BMERB1: variants seen among roughly 807,000 people sequenced by gnomAD.
The protein encoded by BMERB1 is bMERB domain-containing protein 1.
A neutral mutation model predicts 23.6 loss-of-function variants in BMERB1; 12 were observed. The ratio of observed to expected loss-of-function variants is 0.51; its 90% CI spans 0.33 to 0.82. The LOEUF (loss-of-function observed/expected upper bound fraction) is 0.82, where lower values mean the gene tolerates loss of function less well. Among genes scored for constraint, BMERB1 ranks in the 40% least tolerant of loss-of-function variants. BMERB1 has a pLI of 0.03. For missense variants in BMERB1, 247 were observed against 255.4 expected, an observed-to-expected ratio of 0.97 and a Z score of 0.22; for synonymous variants, 122 against 96.6, an observed-to-expected ratio of 1.26 and a Z score of -1.54.
intron 1 of BMERB1, among the ~76,000 whole-genome samples, chr16:15,488,805 G>A (rs1409034164): frequency 2.1e-5 from 3 of 144,260 alleles, no homozygotes; most frequent in Admixed American, 7.2e-5. Flanking sequence ...GCAACAGAGC[G>A]AGACTCCGTC....
chr16:15,439,847 G>A (rs2050924053), intron 1 of BMERB1, among the ~76,000 whole-genome samples: 1 of 152,094 alleles, frequency 6.6e-6, no homozygotes. Context: ...TCTCTGTTGT[G>A]GCCATTTCTT....
chr16:15,528,710 T>C (rs1384503794), intron 2 of BMERB1, among the ~76,000 whole-genome samples: 1 of 149,442 alleles, frequency 6.7e-6, no homozygotes, highest in Non-Finnish European at 1.5e-5. Context: ...CCCACCCCCC[T>C]CTCCTTCCCT....
intron 1 of BMERB1, among the ~76,000 whole-genome samples, chr16:15,496,892 G>A (rs2051478555): frequency 6.6e-6 from 1 of 152,142 alleles, no homozygotes; most frequent in Non-Finnish European, 1.5e-5. Flanking sequence ...ACTTGTCCAG[G>A]GGCACAAAGC....
chr16:15,474,698 A>AT (rs891915495), intron 1 of BMERB1, among the ~76,000 whole-genome samples: 5 of 150,120 alleles, frequency 3.3e-5, no homozygotes, highest in East Asian at 2.0e-4. Flanking sequence ...TTTTATTCTT[A>AT]TTTTTTTTGA....
chr16:15,480,561 C>G (rs955751125), intron 1 of BMERB1, among the ~76,000 whole-genome samples: 9 of 139,368 alleles, frequency 6.5e-5, no homozygotes, highest in Non-Finnish European at 1.4e-4. Flanking sequence ...GACTCTTTTT[C>G]TATTATATAT....
intron 1 of BMERB1, among the ~76,000 whole-genome samples, chr16:15,502,772 G>A (rs1260851348): frequency 1.3e-5 from 2 of 152,050 alleles, no homozygotes; most frequent in East Asian, 1.9e-4. Context: ...GCTGGAGGGG[G>A]CCCCCTCTAG....
chr16:15,569,584 G>A (rs545571050), intron 3 of BMERB1, among the ~76,000 whole-genome samples: 6 of 152,222 alleles, frequency 3.9e-5, no homozygotes, highest in South Asian at 2.1e-4. Flanking sequence ...AGATTTGGGC[G>A]GGGACACACA....
intron 2 of BMERB1, among the ~76,000 whole-genome samples, chr16:15,561,666 G>T (rs769622224): frequency 2.6e-5 from 4 of 152,178 alleles, no homozygotes; most frequent in Non-Finnish European, 5.9e-5. Context: ...GCTGACATGG[G>T]AGGATCGCTT....
rs554438891 is a variant in BMERB1, at chr16:15,504,425, C to T, written c.107-10880C>T. Among the ~76,000 whole-genome samples the T allele has an allele frequency of 3.3e-5, 5 of 151,778 alleles. No homozygotes were observed. The South Asian group carries it at 1.0e-3, about 32-fold the overall frequency. On this transcript the variant is annotated intron_variant, in intron 1 of 5. Coordinates refer to ENST00000300006, the MANE Select transcript of BMERB1 (RefSeq NM_033201.3). ...GAGGAGTAGAGGGGAATTCTTTATG[C>T]TCTTTGCAACTCTTCTTAAATTTTT...
intron 1 of BMERB1, among the ~76,000 whole-genome samples, chr16:15,448,846 C>G (rs1328557152): frequency 6.6e-6 from 1 of 152,062 alleles, no homozygotes; most frequent in African/African-American, 2.4e-5. Flanking sequence ...AGATTAGCAT[C>G]CTCGCCTTCT....
At chr16:15,572,516 A>G (rs1172222015) in intron 3 of BMERB1, among the ~76,000 whole-genome samples, 5 of 152,152 alleles carry the variant, frequency 3.3e-5, no homozygotes, top group African/African-American at 1.2e-4. Flanking sequence ...TGGTTGCACA[A>G]CTCTGCAAAT....
At position 15,434,616 on chromosome 16, in the gene BMERB1, T is replaced by G; in HGVS notation, c.-38T>G. On this transcript the variant is annotated 5_prime_UTR_variant, in exon 1 of 6. The change abolishes the stop of an existing upstream ORF in the 5' untranslated region. Coordinates refer to ENST00000300006, the MANE Select transcript of BMERB1 (RefSeq NM_033201.3). ...CCTGCAGCCCGCAACGGGAATGGAG[T>G]AAAGGGAGACCCGTCGACCTGGCCA... 1 of 1,569,674 alleles carries G rather than the reference T, an allele frequency of 6.4e-7. No homozygotes were observed. Among genetic ancestry groups the G allele is most frequent in the Non-Finnish European group, 8.8e-7 (1 of 1,140,310 alleles).
chr16:15,587,793 A>G lies in BMERB1; in HGVS notation c.*964A>G. ...GCATATGTTAACTAGCTGCCAAACAACTTCAACCCGTGTAATTCATGTACA... is the reference window on the plus strand; with the variant it reads ...GCATATGTTAACTAGCTGCCAAACAGCTTCAACCCGTGTAATTCATGTACA... On this transcript the variant is annotated 3_prime_UTR_variant, in exon 6 of 6. Coordinates refer to ENST00000300006, the MANE Select transcript of BMERB1 (RefSeq NM_033201.3). 1 of 270,992 alleles carries G rather than the reference A, an allele frequency of 3.7e-6. No individual in the cohort carries two copies. The highest frequency in any genetic ancestry group is 2.3e-5 in the African/African-American group (1 of 44,440). The allele number at this position is 270,992 out of a possible 1,614,324, so 16.8% of individuals were successfully genotyped here.
rs2031167269 is a variant in BMERB1, at chr16:15,587,076, GTTTA to G, written c.*249_*252del. The G allele has an allele frequency of 2.0e-6, 1 of 497,286 alleles. No individual in the cohort carries two copies. The highest frequency in any genetic ancestry group is 2.0e-5 in the African/African-American group (1 of 51,232). 30.8% of individuals were successfully genotyped at this position (497,286 alleles called of 1,614,324 possible). ...GCCGAACCCAGGAGTCTGTCTCACT[GTTTA>G]TCCAAACACCAGGAAAGGTCCTCCC... On this transcript the variant is annotated 3_prime_UTR_variant, in exon 6 of 6. Transcript: ENST00000300006.
intron 1 of BMERB1, among the ~76,000 whole-genome samples, chr16:15,444,087 G>C (rs896112046): frequency 7.4e-6 from 1 of 135,946 alleles, no homozygotes; most frequent in Non-Finnish European, 1.6e-5. Flanking sequence ...GCACAGAGGT[G>C]AATATTCCAA....
intron 2 of BMERB1, among the ~76,000 whole-genome samples, chr16:15,556,366 C>G (rs1009141369): frequency 1.3e-5 from 2 of 152,030 alleles, no homozygotes; most frequent in African/African-American, 4.8e-5. Context: ...CACACACAAG[C>G]CTGTTTGATT....
intron 1 of BMERB1, among the ~76,000 whole-genome samples, chr16:15,467,171 T>G (rs2051187236): frequency 6.6e-6 from 1 of 152,218 alleles, no homozygotes; most frequent in Admixed American, 6.5e-5. Flanking sequence ...CAAATTTTTG[T>G]GTGAACATAA....
chr16:15,557,224 CT>C (rs2030288079), intron 2 of BMERB1, among the ~76,000 whole-genome samples: 1 of 152,184 alleles, frequency 6.6e-6, no homozygotes. Flanking sequence ...GGTTGGCTTT[CT>C]TTTCCTTCCG....
intron 2 of BMERB1, among the ~76,000 whole-genome samples, chr16:15,544,044 G>A (rs970598574): frequency 2.0e-5 from 3 of 152,136 alleles, no homozygotes; most frequent in Non-Finnish European, 4.4e-5. Flanking sequence ...TTTGATTAGA[G>A]CACTGACATA....
Sources: allele counts gnomAD v4.1 joint callset (sites outside exome capture counted in the v4.1 genomes callset), GRCh38; gene constraint gnomAD v4.1.1; transcripts MANE v1.5; gene names NCBI Gene and HGNC (gene_info 2026-07-23, HGNC 2026-07-21).